MASP1: variants seen among roughly 807,000 people sequenced by gnomAD.
The protein encoded by MASP1 is mannan-binding lectin serine protease 1.
In MASP1, 59 loss-of-function variants were observed where a neutral mutation model predicts 77.1. That is an observed-to-expected ratio of 0.77 (90% CI 0.62 to 0.95). The LOEUF (loss-of-function observed/expected upper bound fraction) is 0.95. Ranked by LOEUF, MASP1 falls within the 40% of genes least tolerant of loss-of-function variation. The probability of loss-of-function intolerance (pLI) is 0.00; values close to 1 mark genes in which losing one functional copy is unlikely to be tolerated. For synonymous variants in MASP1, 362 were observed against 354.5 expected, an observed-to-expected ratio of 1.02 and a Z score of -0.24; for missense variants, 885 against 912.9, an observed-to-expected ratio of 0.97 and a Z score of 0.39.
exon 16 of MASP1, chr3:187,219,625 T>G: frequency 9.0e-6 from 2 of 223,380 alleles, no homozygotes; most frequent in East Asian, 1.1e-4. Context: ...CAGGCAGGGG[T>G]TTGTAAGAGA....
chr3:187,268,562 A>T (rs1052112025), intron 2 of MASP1, among the ~76,000 whole-genome samples: 3 of 151,850 alleles, frequency 2.0e-5, no homozygotes, highest in Admixed American at 6.6e-5. Context: ...AAAAGAAAAG[A>T]AAAGAAAAGA....
In MASP1 at chr3:187,234,174, T is replaced by G; in HGVS notation, c.*1510A>C. 7.8e-7 allele frequency: 1 copy of G among 1,287,216 alleles called. No individual in the cohort carries two copies. The highest frequency in any genetic ancestry group is 1.0e-6 in the Non-Finnish European group (1 of 988,686). 79.7% of individuals were successfully genotyped at this position (1,287,216 alleles called of 1,614,324 possible). A position where few individuals can be genotyped will look rare whatever the true frequency, so the allele number is the denominator to read the frequency against. On this transcript the variant is annotated 3_prime_UTR_variant, in exon 11 of 11. Coordinates refer to ENST00000296280, the MANE Select transcript of MASP1 (RefSeq NM_139125.4). Reference sequence around the variant, plus strand: ...TTACAGAATGGTGAAGCATATGATATAAAAGATACAAAATATAACATCATT... The same window carrying G: ...TTACAGAATGGTGAAGCATATGATAGAAAAGATACAAAATATAACATCATT...
At chr3:187,241,797 A>C (rs1713666359) in intron 9 of MASP1, 3 of 446,106 alleles carry the variant, frequency 6.7e-6, no homozygotes, top group South Asian at 6.4e-5. Flanking sequence ...AAATATCTTC[A>C]AATACCCACA....
chr3:187,289,736 T>C (rs568583167), intron 1 of MASP1, among the ~76,000 whole-genome samples: 2 of 152,308 alleles, frequency 1.3e-5, no homozygotes, highest in African/African-American at 4.8e-5. Flanking sequence ...GAAAGTCTAG[T>C]GGAATATAGT....
At chr3:187,276,395 T>C (rs1346233985) in intron 2 of MASP1, among the ~76,000 whole-genome samples, 1 of 152,254 alleles carries the variant, frequency 6.6e-6, no homozygotes, top group Admixed American at 6.5e-5. Context: ...TCTAATAAAT[T>C]GTAGGCACTG....
intron 2 of MASP1, among the ~76,000 whole-genome samples, chr3:187,268,323 A>T (rs1309363527): frequency 6.6e-6 from 1 of 151,946 alleles, no homozygotes. Flanking sequence ...CTCTACAAAA[A>T]ATACAAAAAT....
intron 2 of MASP1, among the ~76,000 whole-genome samples, chr3:187,273,651 C>T (rs924915400): frequency 2.6e-5 from 4 of 152,216 alleles, no homozygotes; most frequent in African/African-American, 9.6e-5. Context: ...AGTCCTGCTA[C>T]TTCACCAGGT....
In MASP1 at chr3:187,235,628, C is replaced by T. The variant is rs750539076; in HGVS notation, c.*56G>A. On this transcript the variant is annotated 3_prime_UTR_variant, in exon 11 of 11. Transcript: ENST00000296280. Reference sequence around the variant, plus strand: ...TGATAAGTAATGTGGAGTGTGCTGTCGGAAGTGCGGTGTAGCTTCGCTCAG... The same window carrying T: ...TGATAAGTAATGTGGAGTGTGCTGTTGGAAGTGCGGTGTAGCTTCGCTCAG... 1.2e-5 allele frequency: 20 copies of T among 1,608,608 alleles called. No homozygotes were observed. In the East Asian group the frequency reaches 1.6e-4, roughly 13 times the overall value.
intron 14 of MASP1, chr3:187,221,268 T>TAA: frequency 1.4e-6 from 1 of 697,364 alleles, no homozygotes; most frequent in South Asian, 1.5e-5. Context: ...TCTAAGAGAC[T>TAA]GCCCCATGCT....
intron 2 of MASP1, among the ~76,000 whole-genome samples, chr3:187,268,612 A>G (rs1161649937): frequency 1.3e-5 from 2 of 152,352 alleles, no homozygotes; most frequent in East Asian, 1.9e-4. Context: ...TATCTGGCTA[A>G]GGAGATCTCT....
At chr3:187,268,224 G>C (rs1716207408) in intron 2 of MASP1, among the ~76,000 whole-genome samples, 1 of 152,208 alleles carries the variant, frequency 6.6e-6, no homozygotes, top group African/African-American at 2.4e-5. Flanking sequence ...CCTCATACCT[G>C]TAATCTCAGA....
Position 187,243,522 on chromosome 3 carries a change from C to G in MASP1, c.1190G>C (p.Cys397Ser). 6.2e-7 allele frequency: 1 copy of G among 1,614,116 alleles called. No individual in the cohort carries two copies. The highest frequency in any genetic ancestry group is 8.5e-7 in the Non-Finnish European group (1 of 1,180,000). The stretch of plus-strand genomic sequence containing the variant: ...GAGCATCTTGTAATAGGGCTCCTGA[C>G]AGGAGTATTTGATCTCAGACTTGTA... ...TTYKSEIKYS[C>S]QEPYYKMLNN... is the part of the protein sequence containing the mutation. The change falls in exon 9 of 11, where the codon TGT becomes TCT. Residue 397 changes from cysteine (C) to serine (S), a missense_variant. Coordinates refer to ENST00000296280, the MANE Select transcript of MASP1 (RefSeq NM_139125.4).
chr3:187,243,534 A>G lies in MASP1; in HGVS notation c.1178T>C (p.Ile393Thr). The G allele has an allele frequency of 1.9e-6, 3 of 1,614,034 alleles. No homozygotes were observed. The highest frequency in any genetic ancestry group is 2.5e-6 in the Non-Finnish European group (3 of 1,179,962). ...ATAGGGCTCCTGACAGGAGTATTTG[A>G]TCTCAGACTTGTATGTGGTGAGGTT... ...RNNLTTYKSE[I>T]KYSCQEPYYK... The change falls in exon 9 of 11, where the codon ATC (isoleucine) becomes ACC (threonine). Residue 393 changes from isoleucine (I) to threonine (T), a missense_variant. Transcript: ENST00000296280.
intron 5 of MASP1, among the ~76,000 whole-genome samples, chr3:187,254,005 A>AT (rs1329377969): frequency 3.2e-5 from 2 of 61,898 alleles, no homozygotes; most frequent in African/African-American, 8.7e-5. Context: ...TTAAAGTAAA[A>AT]TTAAAAAAAA....
Position 187,240,473 on chromosome 3 carries a change from C to CT in MASP1, c.1303+1007dup, listed in dbSNP as rs112310972. Among the ~76,000 whole-genome samples the CT allele has an allele frequency of 8.1e-4, 123 of 151,796 alleles. No homozygotes were observed. The Middle Eastern group carries it at 0.02, about 25-fold the overall frequency. On this transcript the variant is annotated intron_variant, in intron 10 of 10. Transcript: ENST00000296280. ...TATCATTAAACTACTGCCATTCTTG[C>CT]TTTTTTTTAAAAAAAATGTAAATTA... is the stretch of plus-strand genomic sequence containing the variant.
chr3:187,223,238 G>A (rs773167247), intron 13 of MASP1: 2 of 1,526,596 alleles, frequency 1.3e-6, no homozygotes, highest in Non-Finnish European at 1.8e-6. Flanking sequence ...GCTATCTGTG[G>A]GGTGTTTGGA....
At chr3:187,258,033 C>A (rs1715243934) in intron 4 of MASP1, among the ~76,000 whole-genome samples, 1 of 152,212 alleles carries the variant, frequency 6.6e-6, no homozygotes, top group Non-Finnish European at 1.5e-5. Flanking sequence ...GATGAAGGAA[C>A]TAAGGCCATG....
chr3:187,221,548 T>C, intron 14 of MASP1, among the ~76,000 whole-genome samples: 1 of 152,256 alleles, frequency 6.6e-6, no homozygotes, highest in South Asian at 2.1e-4. Context: ...TTTCAGACTC[T>C]GAGACCCTTT....
chr3:187,256,875 A>G lies in MASP1; in HGVS notation c.548-15T>C. 6.2e-7 allele frequency: 1 copy of G among 1,612,316 alleles called. No homozygotes were observed. Among genetic ancestry groups the G allele is most frequent in the Non-Finnish European group, 8.5e-7 (1 of 1,178,520 alleles). On this transcript the variant is annotated splice_polypyrimidine_tract_variant and intron_variant, in intron 4 of 10. Coordinates refer to ENST00000296280, the MANE Select transcript of MASP1 (RefSeq NM_139125.4). ...ACTGCACTCCACTGTTGGAAACATA[A>G]TAGAGAAAATGGCGCATCGCAACCA...
Sources: gnomAD v4.1 joint callset for allele counts (sites outside exome capture counted in the v4.1 genomes callset) on GRCh38, gnomAD v4.1.1 for gene constraint, MANE v1.5 for transcripts, NCBI Gene and HGNC (gene_info 2026-07-23, HGNC 2026-07-21) for gene names.